Variants in SGCZ observed in about 807,000 individuals in gnomAD.
The protein encoded by SGCZ is sarcoglycan zeta.
A neutral mutation model predicts 41.3 loss-of-function variants in SGCZ; 40 were observed. The observed-to-expected ratio is 0.97, with a 90% CI of 0.75 to 1.26. The LOEUF (loss-of-function observed/expected upper bound fraction) is 1.26, where lower values mean the gene tolerates loss of function less well. Ranked by LOEUF, SGCZ falls within the 50% of genes most tolerant of loss-of-function variation. The probability of loss-of-function intolerance (pLI) is 0.00; values close to 1 mark genes in which losing one functional copy is unlikely to be tolerated. For missense variants in SGCZ, 552 were observed against 369.8 expected (o/e 1.49, Z -4.04); for synonymous variants, 206 against 137.5 (o/e 1.50, Z -3.49).
chr8:14,686,071 G>A (rs1431700934), intron 1 of SGCZ, among the ~76,000 whole-genome samples: 1 of 152,046 alleles, frequency 6.6e-6, no homozygotes, highest in South Asian at 2.1e-4. Flanking sequence ...TTCGTCTCGG[G>A]AAGACTTTGC....
At chr8:14,993,395 T>G (rs147890035) in intron 1 of SGCZ, among the ~76,000 whole-genome samples, 57 of 152,222 alleles carry the variant, frequency 3.7e-4, no homozygotes, top group African/African-American at 1.2e-3. Flanking sequence ...AAATAAGAGA[T>G]GAAAATCTCT....
At chr8:15,090,550 A>G (rs1246425484) in intron 1 of SGCZ, among the ~76,000 whole-genome samples, 2 of 152,206 alleles carry the variant, frequency 1.3e-5, no homozygotes, top group African/African-American at 2.4e-5. Flanking sequence ...AACGCAATTC[A>G]AACACAAGCA....
chr8:14,278,536 A>G (rs1800311815), intron 3 of SGCZ, among the ~76,000 whole-genome samples: 1 of 152,152 alleles, frequency 6.6e-6, no homozygotes, highest in Non-Finnish European at 1.5e-5. Context: ...ACTCAAAGTT[A>G]TAGCGAAACT....
chr8:14,355,307 C>T (rs537306734), intron 2 of SGCZ, among the ~76,000 whole-genome samples: 66 of 152,172 alleles, frequency 4.3e-4, no homozygotes, highest in Middle Eastern at 6.8e-3. Context: ...TCTATATTCT[C>T]TCTTTTCTAG....
intron 1 of SGCZ, among the ~76,000 whole-genome samples, chr8:14,856,200 T>C (rs1250298515): frequency 2.6e-5 from 4 of 152,208 alleles, no homozygotes; most frequent in Non-Finnish European, 5.9e-5. Flanking sequence ...GATTAGTTAT[T>C]TAGCGAAGAT....
rs369006517 is a variant in SGCZ at position 14,961,477 on chromosome 8, T to TGA, written c.39+276106_39+276107dup. On this transcript the variant is annotated intron_variant, in intron 1 of 7. Transcript: ENST00000382080. ...CGTGGTACCATACAATAAGGTATTT[T>TGA]GAGAGAGAGAGAGAGATCCCATTCA... Among the ~76,000 whole-genome samples, 8 of 151,626 alleles carry TGA rather than the reference T, an allele frequency of 5.3e-5. No individual in the cohort carries two copies. The East Asian group carries it at 5.8e-4, about 11-fold the overall frequency.
At chr8:14,102,076 T>TTATATATATATATATATATATATA (rs55667194) in intron 7 of SGCZ, among the ~76,000 whole-genome samples, 2 of 119,918 alleles carry the variant, frequency 1.7e-5, no homozygotes, top group African/African-American at 6.9e-5. Flanking sequence ...TTGGCTAACT[T>TTATATATATATATATATATATATA]TATATATATA....
intron 1 of SGCZ, among the ~76,000 whole-genome samples, chr8:14,696,166 G>A (rs1285487945): frequency 1.3e-5 from 2 of 151,962 alleles, no homozygotes; most frequent in Non-Finnish European, 2.9e-5. Context: ...TACATGGGTT[G>A]ACATTATATC....
At chr8:14,379,456 T>A (rs1189239902) in intron 2 of SGCZ, among the ~76,000 whole-genome samples, 1 of 152,142 alleles carries the variant, frequency 6.6e-6, no homozygotes, top group African/African-American at 2.4e-5. Flanking sequence ...TATAAAGCGC[T>A]ACTCTAAGTC....
At chr8:14,101,934 C>G (rs1443026501) in intron 7 of SGCZ, among the ~76,000 whole-genome samples, 1 of 151,656 alleles carries the variant, frequency 6.6e-6, no homozygotes. Context: ...GCTCTGTCGC[C>G]CCAGGCTGGA....
intron 1 of SGCZ, among the ~76,000 whole-genome samples, chr8:14,715,905 A>C (rs897135690): frequency 2.0e-5 from 3 of 152,148 alleles, no homozygotes; most frequent in African/African-American, 7.2e-5. Context: ...TGAACACAAC[A>C]ATTTGGTAGA....
chr8:14,738,583 C>G (rs991216755), intron 1 of SGCZ, among the ~76,000 whole-genome samples: 1 of 152,080 alleles, frequency 6.6e-6, no homozygotes. Context: ...TGATACACCA[C>G]TCTTAAGTTT....
chr8:14,326,110 T>TCAAAAAAAAAAAAAAAAAAAAAAAAA, intron 2 of SGCZ, among the ~76,000 whole-genome samples: 1 of 194 alleles, frequency 5.2e-3, no homozygotes, highest in Non-Finnish European at 0.029. Flanking sequence ...AGACTCCGTC[T>TCAAAAAAAAAAAAAAAAAAAAAAAAA]CAAAAAAAAA....
intron 3 of SGCZ, among the ~76,000 whole-genome samples, chr8:14,250,226 C>T (rs1195886346): frequency 1.3e-5 from 2 of 152,092 alleles, no homozygotes; most frequent in South Asian, 2.1e-4. Flanking sequence ...TGGAGTGTGG[C>T]CCCAAATCAT....
intron 3 of SGCZ, among the ~76,000 whole-genome samples, chr8:14,297,244 C>G (rs1801043693): frequency 6.6e-6 from 1 of 151,780 alleles, no homozygotes; most frequent in Non-Finnish European, 1.5e-5. Flanking sequence ...TATTTAAAAT[C>G]TTATAATTTG....
chr8:14,848,127 T>C (rs73535068), intron 1 of SGCZ, among the ~76,000 whole-genome samples: 3 of 152,078 alleles, frequency 2.0e-5, no homozygotes, highest in Non-Finnish European at 4.4e-5. Flanking sequence ...TACAGTAGCA[T>C]AAAATTATAA....
intron 6 of SGCZ, among the ~76,000 whole-genome samples, chr8:14,107,251 A>C (rs963050518): frequency 2.0e-4 from 30 of 149,860 alleles, no homozygotes; most frequent in African/African-American, 6.8e-4. Context: ...AAAAAAAAAA[A>C]CATCCACTGA....
At chr8:14,998,645 G>A (rs920065104) in intron 1 of SGCZ, among the ~76,000 whole-genome samples, 1 of 152,118 alleles carries the variant, frequency 6.6e-6, no homozygotes, top group Non-Finnish European at 1.5e-5. Context: ...GCAAGAAGAG[G>A]AATTTTACTA....
At chr8:14,798,309 CTCT>C (rs1368476266) in intron 1 of SGCZ, among the ~76,000 whole-genome samples, 1 of 152,102 alleles carries the variant, frequency 6.6e-6, no homozygotes, top group Non-Finnish European at 1.5e-5. Context: ...GGCAATAATC[CTCT>C]CCCCACGGTT....
Sources: allele counts gnomAD v4.1 joint callset (sites outside exome capture counted in the v4.1 genomes callset), GRCh38; gene constraint gnomAD v4.1.1; transcripts MANE v1.5; gene names NCBI Gene and HGNC (gene_info 2026-07-23, HGNC 2026-07-21).